The following LYST variants were observed in gnomAD, a reference collection of about 807,000 sequenced individuals.
The protein encoded by LYST is lysosomal trafficking regulator.
A neutral mutation model predicts 413.6 loss-of-function variants in LYST; 192 were observed. That is an observed-to-expected ratio of 0.46 (90% confidence interval 0.41 to 0.52). The LOEUF (loss-of-function observed/expected upper bound fraction) is 0.52, where lower values mean the gene tolerates loss of function less well. Among genes scored for constraint, LYST ranks in the 20% least tolerant of loss-of-function variants. LYST has a pLI of 0.00. For missense variants in LYST, 3,815 were observed against 4,499.9 expected (o/e 0.85, Z 4.35); for synonymous variants, 1,525 against 1,567.3 (o/e 0.97, Z 0.64).
At position 235,686,326 on chromosome 1, in the gene LYST, C is replaced by T. The variant is rs1660219168; in HGVS notation, c.10800+623G>A. Among the ~76,000 whole-genome samples, 1 of 152,172 alleles carries T rather than the reference C, an allele frequency of 6.6e-6. No homozygotes were observed. Among genetic ancestry groups the T allele is most frequent in the Admixed American group, 6.5e-5 (1 of 15,276 alleles). ...AGGTTGCAGTGAGCTGAGATTGTGC[C>T]ATTGCATTCCAGCTTAGGCAAGAGA... On this transcript the variant is annotated intron_variant, in intron 48 of 52. Transcript: ENST00000389793. This position sits in a 1 kb window ranked among gnomAD's most constrained non-coding sequence, Gnocchi z 4.0.
At chr1:235,739,707 G>A (rs1665174472) in intron 31 of LYST, among the ~76,000 whole-genome samples, 1 of 151,942 alleles carries the variant, frequency 6.6e-6, no homozygotes, top group Admixed American at 6.6e-5. Flanking sequence ...CTGATGGAAT[G>A]AGAGACTTAG....
chr1:235,662,670 G>A lies in LYST; in HGVS notation c.*270C>T. 2.2e-6 allele frequency: 1 copy of A among 456,036 alleles called. No individual in the cohort carries two copies. The highest frequency in any genetic ancestry group is 2.2e-5 in the South Asian group (1 of 44,964). 28.2% of individuals were successfully genotyped at this position (456,036 alleles called of 1,614,324 possible). On this transcript the variant is annotated 3_prime_UTR_variant, in exon 53 of 53. Transcript: ENST00000389793. ...ATACCTTGGTGGGAAAAAATTTTAA[G>A]AATATCATTTTAATGTACCATGCGA...
rs1407521785 is a variant in LYST at position 235,801,014 on chromosome 1, T to C, written c.3796A>G (p.Ile1266Val). ...DLLENLTQGEIIYPEICMLEL... is the reference protein window; with the variant it reads ...DLLENLTQGEVIYPEICMLEL... ...AGCATACAAATCTCAGGATAAATTATTTCCCCTTGAGTGAGGTTTTCGAGT... is the reference window on the plus strand; with the variant it reads ...AGCATACAAATCTCAGGATAAATTACTTCCCCTTGAGTGAGGTTTTCGAGT... The change falls in exon 9 of 53, where the codon ATA becomes GTA. Residue 1266 changes from isoleucine (I) to valine (V), a missense_variant. Physicochemically the swap from Ile to Val is conservative, Grantham distance 29. This residue lies in a region of LYST where 1,648 missense variants were observed against 1,810.3 expected (regional missense o/e 0.91). Transcript: ENST00000389793. 2 of 1,613,670 alleles carry C rather than the reference T, an allele frequency of 1.2e-6. No individual in the cohort carries two copies. Among genetic ancestry groups the C allele is most frequent in the Non-Finnish European group, 1.7e-6 (2 of 1,179,796 alleles).
chr1:235,790,084 T>A (rs867727753), intron 12 of LYST, among the ~76,000 whole-genome samples: 1 of 152,328 alleles, frequency 6.6e-6, no homozygotes, highest in East Asian at 1.9e-4. Flanking sequence ...TACAAAATCA[T>A]CTTTCTAAAA....
At chr1:235,756,771 A>C (rs1316748473) in intron 24 of LYST, among the ~76,000 whole-genome samples, 1 of 152,176 alleles carries the variant, frequency 6.6e-6, no homozygotes, top group East Asian at 1.9e-4. Context: ...TACAAGACAT[A>C]AATAGGATGC....
rs574242508 is a variant in LYST, at chr1:235,745,510, G to T, written c.7972+826C>A. ...ACTACAGCCACTCTGGAAAAGTTTG[G>T]CAGTTTCTTAAAAAACTACACATGT... On this transcript the variant is annotated intron_variant, in intron 29 of 52. Coordinates refer to ENST00000389793, the MANE Select transcript of LYST (RefSeq NM_000081.4). Among the ~76,000 whole-genome samples, 4 of 152,274 alleles carry T rather than the reference G, an allele frequency of 2.6e-5. No homozygotes were observed. The East Asian group carries it at 5.8e-4, about 22-fold the overall frequency.
intron 3 of LYST, chr1:235,828,180 A>C: frequency 1.0e-6 from 1 of 955,548 alleles, no homozygotes; most frequent in Non-Finnish European, 1.2e-6. Context: ...TCATTTAGTA[A>C]TACATTAAAA....
At chr1:235,714,794 A>G (rs1662693755) in intron 42 of LYST, among the ~76,000 whole-genome samples, 1 of 152,218 alleles carries the variant, frequency 6.6e-6, no homozygotes, top group South Asian at 2.1e-4. Context: ...AAACCTCAAT[A>G]ATGTACTTGC....
intron 1 of LYST, among the ~76,000 whole-genome samples, chr1:235,843,649 T>C (rs1380176340): frequency 6.6e-6 from 1 of 152,102 alleles, no homozygotes; most frequent in African/African-American, 2.4e-5. Flanking sequence ...AATGATGTTC[T>C]GTTTCATAAC....
At chr1:235,675,762 A>C (rs765810040) in intron 50 of LYST, among the ~76,000 whole-genome samples, 1 of 152,218 alleles carries the variant, frequency 6.6e-6, no homozygotes, top group Non-Finnish European at 1.5e-5. Context: ...CATTCTAGCA[A>C]ATTATTGAAC....
chr1:235,801,244 T>A (rs921433689), intron 8 of LYST, 147 bp from the exon 9 acceptor site: 2 of 639,690 alleles, frequency 3.1e-6, no homozygotes, highest in Non-Finnish European at 2.8e-6. Context: ...ATAACACAAC[T>A]TTTGACAATG....
intron 1 of LYST, among the ~76,000 whole-genome samples, chr1:235,836,152 T>C (rs1234018594): frequency 2.0e-5 from 3 of 152,206 alleles, no homozygotes; most frequent in Non-Finnish European, 2.9e-5. Flanking sequence ...AAAACATACA[T>C]ACACAAACAC....
intron 20 of LYST, among the ~76,000 whole-genome samples, chr1:235,768,720 G>T (rs1240268915): frequency 1.3e-5 from 2 of 152,016 alleles, no homozygotes; most frequent in East Asian, 3.8e-4. Context: ...TGCAAAGACT[G>T]AATAAGAATA....
chr1:235,798,121 C>T (rs1671758498), intron 10 of LYST, among the ~76,000 whole-genome samples: 1 of 152,124 alleles, frequency 6.6e-6, no homozygotes, highest in Admixed American at 6.5e-5. Flanking sequence ...GACATTCTGA[C>T]CAGTACCCCT....
intron 24 of LYST, among the ~76,000 whole-genome samples, chr1:235,756,258 A>G (rs1379036883): frequency 6.6e-6 from 1 of 152,120 alleles, no homozygotes. Flanking sequence ...ACACACATCT[A>G]TTTATTCCCC....
At chr1:235,820,470 GGCGATC>G (rs1674629552) in intron 3 of LYST, among the ~76,000 whole-genome samples, 3 of 151,736 alleles carry the variant, frequency 2.0e-5, no homozygotes, top group African/African-American at 7.3e-5. Flanking sequence ...CCCAGGCTCA[GGCGATC>G]CTCCCGCCCC....
intron 17 of LYST, among the ~76,000 whole-genome samples, chr1:235,776,707 T>C (rs1047966322): frequency 2.6e-5 from 4 of 151,934 alleles, no homozygotes; most frequent in African/African-American, 9.7e-5. Context: ...TTTTTTAAAG[T>C]ATTTTTTGAC....
intron 29 of LYST, among the ~76,000 whole-genome samples, chr1:235,745,122 G>A (rs951563316): frequency 1.3e-5 from 2 of 152,126 alleles, no homozygotes; most frequent in East Asian, 1.9e-4. Context: ...AATAGAAATT[G>A]TATATAATTA....
intron 3 of LYST, 47 bp from the exon 4 acceptor site, chr1:235,813,108 A>T: frequency 9.2e-7 from 1 of 1,081,628 alleles, no homozygotes; most frequent in Non-Finnish European, 1.4e-6. Context: ...GCGATAAGAC[A>T]CATCAGTTCC....
Sources: gnomAD v4.1 joint callset for allele counts (sites outside exome capture counted in the v4.1 genomes callset) on GRCh38, gnomAD v4.1.1 for gene constraint, gnomAD v4.1.1 regional missense constraint, Gnocchi (gnomAD v3.1) non-coding constraint, MANE v1.5 for transcripts, NCBI Gene and HGNC (gene_info 2026-07-23, HGNC 2026-07-21) for gene names.